Variants in TBC1D10A observed in about 807,000 individuals in gnomAD.
TBC1D10A encodes the protein TBC1 domain family member 10A, also known as EBP50-PDX interactor of 64 kDa.
In TBC1D10A, 24 loss-of-function variants were observed where a neutral mutation model predicts 52.9. That is an observed-to-expected ratio of 0.45 (90% CI 0.33 to 0.64). The LOEUF (loss-of-function observed/expected upper bound fraction) is 0.64. TBC1D10A is among the 30% of genes least tolerant of loss of function. The pLI is 0.02. For missense variants in TBC1D10A, 602 were observed against 687.9 expected (o/e 0.88, Z 1.40); for synonymous variants, 278 against 282.9 (o/e 0.98, Z 0.17).
At chr22:30,306,242 C>A (rs1336234320) in intron 1 of TBC1D10A, among the ~76,000 whole-genome samples, 1 of 152,178 alleles carries the variant, frequency 6.6e-6, no homozygotes, top group Non-Finnish European at 1.5e-5. Flanking sequence ...AATCCAATAT[C>A]CCCACTGCAC....
At chr22:30,324,264 G>A (rs140290089) in intron 1 of TBC1D10A, among the ~76,000 whole-genome samples, 2 of 152,128 alleles carry the variant, frequency 1.3e-5, no homozygotes, top group Non-Finnish European at 2.9e-5. Flanking sequence ...GGTTCAGGGC[G>A]GTCACCCTGA....
intron 1 of TBC1D10A, among the ~76,000 whole-genome samples, chr22:30,315,816 T>C (rs1160262805): frequency 1.3e-5 from 2 of 152,146 alleles, no homozygotes; most frequent in East Asian, 3.9e-4. Context: ...TCATCCATCA[T>C]GACAACTTAG....
chr22:30,304,772 C>T, intron 1 of TBC1D10A, 142 bp from the exon 2 acceptor site: 2 of 1,402,128 alleles, frequency 1.4e-6, no homozygotes, highest in South Asian at 3.1e-5. Flanking sequence ...TACCTCGGAC[C>T]ATCCTATTGC....
intron 2 of TBC1D10A, among the ~76,000 whole-genome samples, chr22:30,300,984 A>G (rs918983608): frequency 3.9e-5 from 6 of 152,214 alleles, no homozygotes; most frequent in Non-Finnish European, 7.3e-5. Flanking sequence ...CTCAATTTGA[A>G]AAACTATCAA....
intron 6 of TBC1D10A, 84 bp from the exon 7 acceptor site, chr22:30,294,194 G>A: frequency 6.7e-7 from 1 of 1,490,082 alleles, no homozygotes; most frequent in Non-Finnish European, 9.1e-7. Flanking sequence ...CCAGCACCCA[G>A]CACCCAGCAG....
In TBC1D10A at chr22:30,304,748, C is replaced by T. The variant is rs1451135851; in HGVS notation, c.210-118G>A. The T allele has an allele frequency of 2.7e-5, 40 of 1,463,428 alleles. No homozygotes were observed. In the South Asian group the frequency reaches 4.5e-4, roughly 16 times the overall value. 90.7% of individuals were successfully genotyped at this position (1,463,428 alleles called of 1,614,324 possible). A position where few individuals can be genotyped will look rare whatever the true frequency, so the allele number is the denominator to read the frequency against. ...CTTCCTGCCTACCATCCCTGCTGTT[C>T]CCTTCAGGACTGCTACCTCGGACCA... is the stretch of plus-strand genomic sequence containing the variant. On this transcript the variant is annotated intron_variant, in intron 1 of 8. Transcript: ENST00000215790.
intron 1 of TBC1D10A, 61 bp downstream of exon 1, chr22:30,326,612 G>A: frequency 6.7e-7 from 1 of 1,500,018 alleles, no homozygotes. Context: ...GGGCGCCTCC[G>A]TCCGTGTCGA....
At position 30,306,248 on chromosome 22, in the gene TBC1D10A, T is replaced by C. The variant is rs1462006134; in HGVS notation, c.210-1618A>G. Among the ~76,000 whole-genome samples the C allele has an allele frequency of 4.6e-5, 7 of 152,202 alleles. No homozygotes were observed. The East Asian group carries it at 1.3e-3, about 29-fold the overall frequency. On this transcript the variant is annotated intron_variant, in intron 1 of 8. Coordinates refer to ENST00000215790, the MANE Select transcript of TBC1D10A (RefSeq NM_031937.3). ...ATAATGGCTAATCCAATATCCCCAC[T>C]GCACAGATGAAGAAACTGAGGCTTA...
chr22:30,293,372 T>C, intron 8 of TBC1D10A: 1 of 685,880 alleles, frequency 1.5e-6, no homozygotes, highest in Non-Finnish European at 2.7e-6. Flanking sequence ...GAGCCAAGGC[T>C]GCGAATGGGG....
chr22:30,300,611 T>C (rs911584383), intron 2 of TBC1D10A: 1 of 152,184 alleles, frequency 6.6e-6, no homozygotes, highest in African/African-American at 2.4e-5. Flanking sequence ...GCCTGGGCAC[T>C]TTCACGCAGG....
At chr22:30,325,669 T>A (rs1381169825) in intron 1 of TBC1D10A, among the ~76,000 whole-genome samples, 1 of 151,978 alleles carries the variant, frequency 6.6e-6, no homozygotes, top group Non-Finnish European at 1.5e-5. Flanking sequence ...TGGGGCAACA[T>A]GGGGCCCAGC....
At chr22:30,313,886 AAGCCCAGCACAGGGCTGAGCAC>A (rs2145779807) in intron 1 of TBC1D10A, among the ~76,000 whole-genome samples, 1 of 152,194 alleles carries the variant, frequency 6.6e-6, no homozygotes, top group South Asian at 2.1e-4. Context: ...ATCTTCCTCA[AAGCCCAGCACAGGGCTGAGCAC>A]AGATCTGCTT....
rs529818297 is a variant in TBC1D10A at position 30,326,894 on chromosome 22, C to T, written c.-13G>A. ...TGCTCTTCGCCATCCCAGCCGCGCC[C>T]GCCGCCTGAGCTCCAGCGGCCACCT... On this transcript the variant is annotated 5_prime_UTR_variant, in exon 1 of 9. Transcript: ENST00000215790. 19 of 1,468,260 alleles carry T rather than the reference C, an allele frequency of 1.3e-5. No individual in the cohort carries two copies. The East Asian group carries it at 5.3e-4, about 41-fold the overall frequency. The allele number at this position is 1,468,260 out of a possible 1,614,324, so 91.0% of individuals were successfully genotyped here.
At chr22:30,303,098 T>C (rs149470547) in intron 2 of TBC1D10A, among the ~76,000 whole-genome samples, 1,614 of 152,314 alleles carry the variant, frequency 0.011, 10 homozygotes, top group Middle Eastern at 0.02. Flanking sequence ...CTGGGCAACA[T>C]GGTGAAACCC....
rs559379633 is a variant in TBC1D10A at position 30,295,107 on chromosome 22, C to T, written c.525-52G>A. ...ATGACCGGGGTGACTCTGCTACCCA[C>T]GGCCTTCACCTATGCCCCAGTGGAC... On this transcript the variant is annotated intron_variant, in intron 4 of 8. Coordinates refer to ENST00000215790, the MANE Select transcript of TBC1D10A (RefSeq NM_031937.3). The T allele has an allele frequency of 1.4e-5, 22 of 1,568,496 alleles. No homozygotes were observed. The African/African-American group carries it at 1.9e-4, about 13-fold the overall frequency.
chr22:30,299,315 G>T, intron 3 of TBC1D10A, 129 bp downstream of exon 3: 1 of 913,010 alleles, frequency 1.1e-6, no homozygotes, highest in Non-Finnish European at 1.7e-6. Flanking sequence ...TGGGCAGTTG[G>T]GCACATGACT....
rs149588287 is a variant in TBC1D10A at position 30,326,729 on chromosome 22, G to A, written c.153C>T (p.Ala51=). 5 of 1,543,466 alleles carry A rather than the reference G, an allele frequency of 3.2e-6. No homozygotes were observed. The highest frequency in any genetic ancestry group is 3.5e-6 in the Non-Finnish European group (4 of 1,144,026). ...LGSDSEANGF[A]ERRIDKFGFI... is the part of the protein sequence containing the mutation. ...AGCCGAACTTGTCGATGCGGCGCTC[G>A]GCGAAGCCGTTGGCCTCCGAGTCAG... Residue 51 remains alanine (A), a synonymous_variant, in exon 1 of 9, where the codon GCC becomes GCT. Coordinates refer to ENST00000215790, the MANE Select transcript of TBC1D10A (RefSeq NM_031937.3).
intron 4 of TBC1D10A, among the ~76,000 whole-genome samples, chr22:30,295,359 A>G (rs1345543488): frequency 6.6e-6 from 1 of 152,008 alleles, no homozygotes; most frequent in African/African-American, 2.4e-5. Flanking sequence ...GGGGCCCCTC[A>G]CTCAGCAGCT....
intron 8 of TBC1D10A, 63 bp downstream of exon 8, chr22:30,293,588 C>T (rs1051539238): frequency 7.0e-6 from 11 of 1,562,402 alleles, no homozygotes; most frequent in Admixed American, 1.8e-5. Context: ...AGCGGGACCC[C>T]CTTCAAAGGA....
Sources: allele counts gnomAD v4.1 joint callset (sites outside exome capture counted in the v4.1 genomes callset), GRCh38; gene constraint gnomAD v4.1.1; transcripts MANE v1.5; gene names NCBI Gene and HGNC (gene_info 2026-07-23, HGNC 2026-07-21).